The following TMEM204 variants were observed in gnomAD, a reference collection of about 807,000 sequenced individuals.
The protein encoded by TMEM204 is transmembrane protein 204.
Under a neutral mutation model 19.4 loss-of-function variants are expected in TMEM204, and 15 were observed. The ratio of observed to expected loss-of-function variants is 0.77; its 90% CI spans 0.52 to 1.19. TMEM204 has a LOEUF of 1.19. Ranked by LOEUF, TMEM204 falls within the 50% of genes most tolerant of loss-of-function variation. The pLI, the probability that TMEM204 is intolerant of heterozygous loss-of-function variation, is 0.00. For synonymous variants in TMEM204, 161 were observed against 146.0 expected (o/e 1.10, Z -0.74); for missense variants, 287 against 321.2 (o/e 0.89, Z 0.81).
upstream of TMEM204, chr16:1,533,059 T>A (rs4787284): frequency 0.031 from 4,683 of 152,358 alleles, 117 homozygotes; most frequent in Admixed American, 0.069. This position sits in a 1 kb window ranked among gnomAD's most constrained non-coding sequence, Gnocchi z 4.7. Context: ...GTCCTCCAAG[T>A]ACAGGTCCCT....
intron 1 of TMEM204, 143 bp from the exon 2 acceptor site, chr16:1,541,778 C>T (rs1277131230): frequency 9.7e-7 from 1 of 1,028,058 alleles, no homozygotes; most frequent in African/African-American, 1.7e-5. Context: ...GTGATGCTTC[C>T]CGAAGCCACT....
Position 1,553,533 on chromosome 16 carries a change from C to G in TMEM204, c.437-1249C>G. On this transcript the variant is annotated intron_variant, in intron 2 of 2. Coordinates refer to ENST00000566264, the MANE Select transcript of TMEM204 (RefSeq NM_024600.6). The surrounding 1 kb of genome is among the most constrained non-coding windows in gnomAD (Gnocchi z 4.4). ...GCCTGGGGAGGGACATGGACAAGTC[C>G]TCTATGGACAAGAGGGGCTGGAGAG... 2.0e-6 allele frequency: 2 copies of G among 996,872 alleles called. No homozygotes were observed. The highest frequency in any genetic ancestry group is 2.4e-6 in the Non-Finnish European group (2 of 836,050). The allele number at this position is 996,872 out of a possible 1,614,324, so 61.8% of individuals were successfully genotyped here.
intron 2 of TMEM204, chr16:1,552,894 C>A (rs2032781754): frequency 1.2e-6 from 1 of 860,242 alleles, no homozygotes. Flanking sequence ...ACCTCGTGAT[C>A]CACCCGCCTC....
chr16:1,534,436 G>C lies in TMEM204; in HGVS notation c.161G>C (p.Arg54Thr). Residue 54 changes from arginine to threonine, a missense_variant, in exon 1 of 3, where the codon AGG (arginine) becomes ACG (threonine). Arg to Thr is a moderately conservative substitution (Grantham distance 71). Transcript: ENST00000566264. The stretch of plus-strand genomic sequence containing the variant: ...TGGAGGTCCTGCTGGCTGGTGGACA[G>C]GACCCGGGGAGGGCCGAGCCCTGGG... ...GLWRSCWLVD[R>T]TRGGPSPGAR... 1 of 1,612,030 alleles carries C rather than the reference G, an allele frequency of 6.2e-7. No individual in the cohort carries two copies. The highest frequency in any genetic ancestry group is 8.5e-7 in the Non-Finnish European group (1 of 1,179,740).
chr16:1,550,836 G>A (rs189977406), intron 2 of TMEM204, among the ~76,000 whole-genome samples: 219 of 152,334 alleles, frequency 1.4e-3, no homozygotes, highest in African/African-American at 5.0e-3. Flanking sequence ...AGTCAAGAGC[G>A]CCCTAGCCGT....
At chr16:1,545,271 C>T (rs1386748227) in intron 2 of TMEM204, among the ~76,000 whole-genome samples, 2 of 151,966 alleles carry the variant, frequency 1.3e-5, no homozygotes, top group Non-Finnish European at 2.9e-5. Context: ...TGTTCAACAA[C>T]CGCCAGAACG....
At chr16:1,540,008 G>A (rs943018099) in intron 1 of TMEM204, among the ~76,000 whole-genome samples, 5 of 152,226 alleles carry the variant, frequency 3.3e-5, no homozygotes, top group East Asian at 3.9e-4. Flanking sequence ...CCTCCGCCCC[G>A]AGTGACAGGA....
Position 1,534,244 on chromosome 16 carries a change from T to C in TMEM204, c.-32T>C. On this transcript the variant is annotated 5_prime_UTR_variant, in exon 1 of 3. Transcript: ENST00000566264. Reference sequence around the variant, plus strand: ...GCGGCCGCGGACTGGGACTTGGCTTTCTCCGGATAAGCGGCGGCACCGGCG... The same window carrying C: ...GCGGCCGCGGACTGGGACTTGGCTTCCTCCGGATAAGCGGCGGCACCGGCG... The C allele has an allele frequency of 6.2e-7, 1 of 1,605,934 alleles. No individual in the cohort carries two copies. The highest frequency in any genetic ancestry group is 1.1e-5 in the South Asian group (1 of 90,820).
intron 1 of TMEM204, among the ~76,000 whole-genome samples, chr16:1,538,059 C>G (rs749977273): frequency 3.3e-5 from 5 of 152,224 alleles, no homozygotes; most frequent in Non-Finnish European, 5.9e-5. Context: ...ACAGGCAGCA[C>G]CCCAGGAACC....
Position 1,542,116 on chromosome 16 carries a change from CCT to C in TMEM204, c.436+41_436+42del, listed in dbSNP as rs777808413. 4.6e-6 allele frequency: 7 copies of C among 1,531,038 alleles called. No individual in the cohort carries two copies. The African/African-American group carries it at 8.3e-5, about 18-fold the overall frequency. 94.8% of individuals were successfully genotyped at this position (1,531,038 alleles called of 1,614,324 possible). A position where few individuals can be genotyped will look rare whatever the true frequency, so the allele number is the denominator to read the frequency against. On this transcript the variant is annotated intron_variant, in intron 2 of 2. Coordinates refer to ENST00000566264, the MANE Select transcript of TMEM204 (RefSeq NM_024600.6). ...GGGTGTGGCCACCGCGCCCTTGCCCCCTGTGGCCTTCTGGTGCCACAGGAGGG... is the reference window on the plus strand; with the variant it reads ...GGGTGTGGCCACCGCGCCCTTGCCCCGTGGCCTTCTGGTGCCACAGGAGGG...
chr16:1,547,428 G>T (rs1228409617), intron 2 of TMEM204, among the ~76,000 whole-genome samples: 1 of 152,346 alleles, frequency 6.6e-6, no homozygotes, highest in Middle Eastern at 3.4e-3. Flanking sequence ...CACTGACATG[G>T]AATCTTGCTC....
intron 2 of TMEM204, among the ~76,000 whole-genome samples, chr16:1,544,805 C>G (rs943193724): frequency 6.6e-6 from 1 of 150,578 alleles, no homozygotes; most frequent in African/African-American, 2.5e-5. Flanking sequence ...CCCGCCACCA[C>G]GCCTGGCTAA....
rs577188598 is a variant in TMEM204 at position 1,545,367 on chromosome 16, C to A, written c.436+3291C>A. On this transcript the variant is annotated intron_variant, in intron 2 of 2. Transcript: ENST00000566264. ...CTTGCCCCCACAGGCCACCTCTCCCCCTCAGTGTCCAACCATCACCCCTAA... is the reference window on the plus strand; with the variant it reads ...CTTGCCCCCACAGGCCACCTCTCCCACTCAGTGTCCAACCATCACCCCTAA... 8.3e-4 allele frequency among the ~76,000 whole-genome samples: 127 copies of A among 152,346 alleles called. 1 individual carries two copies. The highest frequency in any genetic ancestry group is 2.8e-3 in the African/African-American group (116 of 41,582).
intron 2 of TMEM204, chr16:1,554,138 A>T: frequency 7.8e-7 from 1 of 1,287,000 alleles, no homozygotes; most frequent in Non-Finnish European, 1.0e-6. Flanking sequence ...AAGACACCAG[A>T]TATAGCCAAG....
intron 1 of TMEM204, among the ~76,000 whole-genome samples, chr16:1,535,651 G>A (rs1242772249): frequency 2.0e-5 from 3 of 152,144 alleles, no homozygotes; most frequent in East Asian, 3.9e-4. Flanking sequence ...AGCGGGGAAT[G>A]TCATCCCCAC....
chr16:1,535,232 G>A (rs923231043), intron 1 of TMEM204, among the ~76,000 whole-genome samples: 4 of 152,166 alleles, frequency 2.6e-5, no homozygotes, highest in Admixed American at 6.5e-5. Flanking sequence ...AGGCCAGGAC[G>A]CTCGGAAGGG....
Position 1,553,872 on chromosome 16 carries a change from C to T in TMEM204, c.437-910C>T, listed in dbSNP as rs571256851. On this transcript the variant is annotated intron_variant, in intron 2 of 2. Transcript: ENST00000566264. The surrounding 1 kb of genome is among the most constrained non-coding windows in gnomAD (Gnocchi z 4.4). ...GTCCTGTTATCCTAGTTGGTAGACT[C>T]TAGTCACGAAACCCTGATTTTCCTG... The T allele has an allele frequency of 5.6e-5, 70 of 1,251,712 alleles. 2 individuals are homozygous for T. The East Asian group carries it at 1.7e-3, about 30-fold the overall frequency. 77.5% of individuals were successfully genotyped at this position (1,251,712 alleles called of 1,614,324 possible).
At chr16:1,550,365 T>C (rs2032533819) in intron 2 of TMEM204, among the ~76,000 whole-genome samples, 1 of 152,242 alleles carries the variant, frequency 6.6e-6, no homozygotes, top group African/African-American at 2.4e-5. Context: ...ATTAGAATGG[T>C]CGACCCATTC....
upstream of TMEM204, chr16:1,531,030 C>G (rs2030428181): frequency 6.6e-6 from 1 of 152,202 alleles, no homozygotes; most frequent in Admixed American, 6.5e-5. This position sits in a 1 kb window ranked among gnomAD's most constrained non-coding sequence, Gnocchi z 4.7. Context: ...CTGCAAGCTC[C>G]TTCCACAGCC....
Sources: gnomAD v4.1 joint callset for allele counts (sites outside exome capture counted in the v4.1 genomes callset) on GRCh38, gnomAD v4.1.1 for gene constraint, Gnocchi (gnomAD v3.1) non-coding constraint, MANE v1.5 for transcripts, NCBI Gene and HGNC (gene_info 2026-07-23, HGNC 2026-07-21) for gene names.